PLEKHA7: variants seen among roughly 807,000 people sequenced by gnomAD.
PLEKHA7 encodes the protein pleckstrin homology domain containing A7, also known as pleckstrin homology domain-containing family A member 7.
A neutral mutation model predicts 170.0 loss-of-function variants in PLEKHA7; 104 were observed. The ratio of observed to expected loss-of-function variants is 0.61; its 90% CI spans 0.52 to 0.72. The LOEUF (loss-of-function observed/expected upper bound fraction) is 0.72. Among genes scored for constraint, PLEKHA7 ranks in the 30% least tolerant of loss-of-function variants. The probability of loss-of-function intolerance (pLI) is 0.00; values close to 1 mark genes in which losing one functional copy is unlikely to be tolerated. For synonymous variants in PLEKHA7, 648 were observed against 660.8 expected (o/e 0.98, Z 0.30); for missense variants, 1,615 against 1,671.7 (o/e 0.97, Z 0.59).
At chr11:16,826,083 G>A (rs765334559) in intron 10 of PLEKHA7, 37 bp downstream of exon 10, 2 of 1,580,940 alleles carry the variant, frequency 1.3e-6, no homozygotes, top group Admixed American at 1.7e-5. Context: ...ACATTATCGT[G>A]CTCGTTATAA....
In PLEKHA7 at chr11:16,791,282, A is replaced by C; in HGVS notation, c.2746-83T>G. On this transcript the variant is annotated intron_variant, in intron 19 of 26. Coordinates refer to ENST00000531066, the MANE Select transcript of PLEKHA7 (RefSeq NM_001329630.2). The surrounding 1 kb of genome is among the most constrained non-coding windows in gnomAD (Gnocchi z 4.5). ...CTAGGTACTGCCACAGTGGAGGTTTAAAGGGTAGGAACAGGCCACATCAGA... is the reference window on the plus strand; with the variant it reads ...CTAGGTACTGCCACAGTGGAGGTTTCAAGGGTAGGAACAGGCCACATCAGA... 1 of 1,335,414 alleles carries C rather than the reference A, an allele frequency of 7.5e-7. No individual in the cohort carries two copies. Among genetic ancestry groups the C allele is most frequent in the Non-Finnish European group, 1.0e-6 (1 of 983,172 alleles). The allele number at this position is 1,335,414 out of a possible 1,614,324, so 82.7% of individuals were successfully genotyped here.
intron 3 of PLEKHA7, among the ~76,000 whole-genome samples, chr11:16,874,013 T>C (rs1472548154): frequency 6.6e-6 from 1 of 152,088 alleles, no homozygotes; most frequent in Non-Finnish European, 1.5e-5. Context: ...AATCTGAAAA[T>C]GCAAACTTTA....
At chr11:16,899,365 C>T (rs1197843436) in intron 3 of PLEKHA7, among the ~76,000 whole-genome samples, 1 of 152,116 alleles carries the variant, frequency 6.6e-6, no homozygotes, top group Non-Finnish European at 1.5e-5. Context: ...GGCGTGGTGG[C>T]ACATGCTTGT....
At chr11:16,896,248 TTTCTA>T (rs1856984240) in intron 3 of PLEKHA7, among the ~76,000 whole-genome samples, 1 of 152,190 alleles carries the variant, frequency 6.6e-6, no homozygotes, top group South Asian at 2.1e-4. Flanking sequence ...TCCTAAACTG[TTTCTA>T]TTCTTTTATT....
chr11:16,964,129 G>C (rs1862229541), intron 3 of PLEKHA7, among the ~76,000 whole-genome samples: 1 of 152,116 alleles, frequency 6.6e-6, no homozygotes, highest in African/African-American at 2.4e-5. Flanking sequence ...CCTCTGTGTT[G>C]TGGCATGTGT....
rs185395184 is a variant in PLEKHA7, at chr11:16,867,664, T to C, written c.305+3435A>G. ...CCCAGGAGGTAAATCTAAGTGTATT[T>C]CATTTAGGAGGAAGCAATTTAGGTA... On this transcript the variant is annotated intron_variant, in intron 4 of 26. Coordinates refer to ENST00000531066, the MANE Select transcript of PLEKHA7 (RefSeq NM_001329630.2). Among the ~76,000 whole-genome samples, 36 of 152,224 alleles carry C rather than the reference T, an allele frequency of 2.4e-4. No individual in the cohort carries two copies. The East Asian group carries it at 6.8e-3, about 29-fold the overall frequency.
chr11:16,847,908 T>C (rs1852587806), intron 8 of PLEKHA7, among the ~76,000 whole-genome samples: 1 of 150,708 alleles, frequency 6.6e-6, no homozygotes. Flanking sequence ...GAAGGGCTTA[T>C]GGTAGGAATA....
chr11:16,888,892 A>G (rs117354373), intron 3 of PLEKHA7, among the ~76,000 whole-genome samples: 11,567 of 107,238 alleles, frequency 0.11, 126 homozygotes, highest in Non-Finnish European at 0.17. Context: ...AACAAAATTC[A>G]AGAGGGGGAA....
chr11:17,014,404 T>G lies in PLEKHA7; in HGVS notation c.-3A>C. On this transcript the variant is annotated 5_prime_UTR_variant, in exon 1 of 27. Transcript: ENST00000531066. ...CGCCCGACCGTCGCCGCCGCCATGT[T>G]CGCCGAGCGCGGAGCCGCCGCGGGG... 2 of 1,148,540 alleles carry G rather than the reference T, an allele frequency of 1.7e-6. No homozygotes were observed. The highest frequency in any genetic ancestry group is 1.1e-6 in the Non-Finnish European group (1 of 894,174). The allele number at this position is 1,148,540 out of a possible 1,614,324, so 71.1% of individuals were successfully genotyped here. A position where few individuals can be genotyped will look rare whatever the true frequency, so the allele number is the denominator to read the frequency against.
intron 26 of PLEKHA7, 124 bp from the exon 27 acceptor site, chr11:16,779,144 C>T (rs760599461): frequency 2.6e-5 from 18 of 683,668 alleles, no homozygotes; most frequent in African/African-American, 1.1e-4. Flanking sequence ...TCTGGCAATG[C>T]GGCCGCTGCT....
intron 19 of PLEKHA7, among the ~76,000 whole-genome samples, chr11:16,793,123 T>C (rs1267751693): frequency 6.6e-6 from 1 of 151,984 alleles, no homozygotes; most frequent in African/African-American, 2.4e-5. Context: ...AAAGGGAAAA[T>C]GAGGAGGCTC....
chr11:16,815,773 C>T (rs895884487), intron 12 of PLEKHA7, among the ~76,000 whole-genome samples: 2 of 152,126 alleles, frequency 1.3e-5, no homozygotes, highest in Non-Finnish European at 2.9e-5. Context: ...ACCTCGGCCT[C>T]CCAAAGTGGT....
chr11:16,786,661 G>A, intron 23 of PLEKHA7: 2 of 985,330 alleles, frequency 2.0e-6, no homozygotes, highest in Non-Finnish European at 2.4e-6. Context: ...TGGTCCCCAG[G>A]GAAATAGAAG....
At chr11:16,784,736 G>A (rs1849283989) in intron 24 of PLEKHA7, among the ~76,000 whole-genome samples, 1 of 152,190 alleles carries the variant, frequency 6.6e-6, no homozygotes, top group African/African-American at 2.4e-5. Flanking sequence ...ATCAGGTCAT[G>A]GATTTAAACC....
chr11:16,902,530 A>G (rs1857406052), intron 3 of PLEKHA7, among the ~76,000 whole-genome samples: 2 of 152,116 alleles, frequency 1.3e-5, no homozygotes, highest in Non-Finnish European at 2.9e-5. Flanking sequence ...TTTAATATAA[A>G]CATCCTAGGG....
chr11:16,963,557 G>C (rs1159900807), intron 3 of PLEKHA7, among the ~76,000 whole-genome samples: 1 of 152,134 alleles, frequency 6.6e-6, no homozygotes, highest in East Asian at 1.9e-4. Flanking sequence ...TGCAACACTG[G>C]AGCTGTCGTC....
chr11:16,821,448 A>G (rs1417249854), intron 10 of PLEKHA7, among the ~76,000 whole-genome samples: 1 of 152,188 alleles, frequency 6.6e-6, no homozygotes, highest in Non-Finnish European at 1.5e-5. Context: ...CCCACAAACC[A>G]TATCCTAAAA....
Position 16,927,791 on chromosome 11 carries a change from C to T in PLEKHA7, c.222-56609G>A, listed in dbSNP as rs563974948. Among the ~76,000 whole-genome samples, 11 of 152,298 alleles carry T rather than the reference C, an allele frequency of 7.2e-5. No homozygotes were observed. In the East Asian group the frequency reaches 7.7e-4, roughly 11 times the overall value. On this transcript the variant is annotated intron_variant, in intron 3 of 26. Coordinates refer to ENST00000531066, the MANE Select transcript of PLEKHA7 (RefSeq NM_001329630.2). ...TTGTGGATGAGCACAAAGATTTATC[C>T]GCAAGGATGTTCATCTCATCATTTT...
intron 3 of PLEKHA7, among the ~76,000 whole-genome samples, chr11:16,966,128 A>T (rs1862356724): frequency 6.6e-6 from 1 of 152,180 alleles, no homozygotes; most frequent in African/African-American, 2.4e-5. Context: ...GGTTGCAGTG[A>T]GCTGAGATCG....
Sources: gnomAD v4.1 joint callset for allele counts (sites outside exome capture counted in the v4.1 genomes callset) on GRCh38, gnomAD v4.1.1 for gene constraint, Gnocchi (gnomAD v3.1) non-coding constraint, MANE v1.5 for transcripts, NCBI Gene and HGNC (gene_info 2026-07-23, HGNC 2026-07-21) for gene names.